Variants in ADAMTS19 observed in about 807,000 individuals in gnomAD.
ADAMTS19 encodes the protein A disintegrin and metalloproteinase with thrombospondin motifs 19.
Under a neutral mutation model 153.3 loss-of-function variants are expected in ADAMTS19, and 93 were observed. The observed-to-expected ratio is 0.61, with a 90% CI of 0.51 to 0.72. ADAMTS19 has a LOEUF of 0.72. Ranked by LOEUF, ADAMTS19 falls within the 30% of genes least tolerant of loss-of-function variation. The pLI, the probability that ADAMTS19 is intolerant of heterozygous loss-of-function variation, is 0.00. For missense variants in ADAMTS19, 1,482 were observed against 1,552.1 expected (o/e 0.95, Z 0.76); for synonymous variants, 600 against 556.6 (o/e 1.08, Z -1.10).
chr5:129,635,617 G>C (rs951709692), intron 10 of ADAMTS19, among the ~76,000 whole-genome samples: 3 of 152,166 alleles, frequency 2.0e-5, no homozygotes, highest in Non-Finnish European at 4.4e-5. Flanking sequence ...ATGGATGGAA[G>C]TGGAGCCATT....
intron 3 of ADAMTS19, among the ~76,000 whole-genome samples, chr5:129,522,145 C>A: frequency 6.7e-6 from 1 of 150,206 alleles, no homozygotes; most frequent in African/African-American, 2.4e-5. Context: ...TCTCATTTCC[C>A]TTGAAGGCCA....
intron 6 of ADAMTS19, among the ~76,000 whole-genome samples, chr5:129,533,086 G>C (rs1752270444): frequency 6.6e-6 from 1 of 151,956 alleles, no homozygotes; most frequent in Admixed American, 6.6e-5. Context: ...CTGGGCAACA[G>C]AGTGAGACTC....
intron 6 of ADAMTS19, among the ~76,000 whole-genome samples, chr5:129,549,642 A>G (rs1023963035): frequency 2.0e-5 from 3 of 151,480 alleles, no homozygotes; most frequent in African/African-American, 7.3e-5. Flanking sequence ...GTACAATGTA[A>G]AAATCAATCC....
At position 129,596,780 on chromosome 5, in the gene ADAMTS19, T is replaced by C. The variant is rs1052177955; in HGVS notation, c.1478+116T>C. 22 of 726,156 alleles carry C rather than the reference T, an allele frequency of 3.0e-5. No homozygotes were observed. In the African/African-American group the frequency reaches 3.1e-4, roughly 10 times the overall value. The allele number at this position is 726,156 out of a possible 1,614,324, so 45.0% of individuals were successfully genotyped here. On this transcript the variant is annotated intron_variant, in intron 8 of 22. Coordinates refer to ENST00000274487, the MANE Select transcript of ADAMTS19 (RefSeq NM_133638.6). ...TTTGGGCTTCAAGTTTTTGAAAAAC[T>C]AGGGAGACAAGAAGGGGTGAAGACT...
Position 129,691,826 on chromosome 5 carries a change from A to G in ADAMTS19, c.2819-2894A>G, listed in dbSNP as rs190878904. Among the ~76,000 whole-genome samples the G allele has an allele frequency of 2.0e-5, 3 of 152,288 alleles. No individual in the cohort carries two copies. The East Asian group carries it at 5.8e-4, about 29-fold the overall frequency. On this transcript the variant is annotated intron_variant, in intron 18 of 22. Transcript: ENST00000274487. ...TATCCCTTTTGATATAACAATACTT[A>G]TAGTTAAAAATTTCTTTTTCAGTAT...
At chr5:129,653,977 A>G (rs918275549) in intron 13 of ADAMTS19, among the ~76,000 whole-genome samples, 2 of 152,194 alleles carry the variant, frequency 1.3e-5, no homozygotes, top group Admixed American at 1.3e-4. Flanking sequence ...CAAAAAAAAT[A>G]TGAGCATAAA....
chr5:129,519,031 G>C (rs747623911), intron 3 of ADAMTS19, among the ~76,000 whole-genome samples: 27 of 152,064 alleles, frequency 1.8e-4, no homozygotes, highest in Non-Finnish European at 3.7e-4. Context: ...CAGAATTCCT[G>C]CTTGAGTCTT....
intron 16 of ADAMTS19, among the ~76,000 whole-genome samples, chr5:129,672,915 T>A (rs781159178): frequency 1.3e-5 from 2 of 152,158 alleles, no homozygotes; most frequent in African/African-American, 2.4e-5. Context: ...CTTCTTTTTG[T>A]GTCAATTTTG....
At chr5:129,721,285 T>C (rs1289508448) in intron 21 of ADAMTS19, among the ~76,000 whole-genome samples, 1 of 152,200 alleles carries the variant, frequency 6.6e-6, no homozygotes, top group African/African-American at 2.4e-5. Flanking sequence ...CATTTCTATA[T>C]AAAATAATGA....
At chr5:129,511,384 G>A (rs1312234799) in intron 3 of ADAMTS19, among the ~76,000 whole-genome samples, 1 of 151,720 alleles carries the variant, frequency 6.6e-6, no homozygotes, top group Non-Finnish European at 1.5e-5. Context: ...AGAGTCAGAG[G>A]CCTCAGGTTC....
intron 11 of ADAMTS19, among the ~76,000 whole-genome samples, chr5:129,645,286 C>G (rs535505772): frequency 1.3e-5 from 2 of 152,274 alleles, no homozygotes; most frequent in East Asian, 3.9e-4. Flanking sequence ...ACAAATCATG[C>G]TGCTCTCCAT....
In ADAMTS19 at chr5:129,647,870, A is replaced by T; in HGVS notation, c.1978A>T (p.Ser660Cys). The change falls in exon 12 of 23, where the codon AGC becomes TGC. Residue 660 changes from serine (S) to cysteine (C), a missense_variant. Coordinates refer to ENST00000274487, the MANE Select transcript of ADAMTS19 (RefSeq NM_133638.6). ...PCSRTCSAGI[S>C]SRERKCPGLD... ...TAGCCGAACCTGCAGTGCTGGGATCAGCAGTCGAGAGCGCAAATGTCCTGG... is the reference window on the plus strand; with the variant it reads ...TAGCCGAACCTGCAGTGCTGGGATCTGCAGTCGAGAGCGCAAATGTCCTGG... 1 of 1,613,754 alleles carries T rather than the reference A, an allele frequency of 6.2e-7. No individual in the cohort carries two copies. The highest frequency in any genetic ancestry group is 8.5e-7 in the Non-Finnish European group (1 of 1,179,716).
At chr5:129,716,740 G>A (rs371752595) in intron 21 of ADAMTS19, among the ~76,000 whole-genome samples, 1 of 151,928 alleles carries the variant, frequency 6.6e-6, no homozygotes, top group South Asian at 2.1e-4. Flanking sequence ...CAGAATTAGA[G>A]TAACAGTTTC....
chr5:129,527,898 A>G, intron 5 of ADAMTS19, 67 bp downstream of exon 5: 1 of 1,009,730 alleles, frequency 9.9e-7, no homozygotes, highest in Non-Finnish European at 1.5e-6. Context: ...ACTTTTAAGT[A>G]AAGGGAATGT....
chr5:129,589,097 G>C (rs1454827008), intron 7 of ADAMTS19, among the ~76,000 whole-genome samples: 2 of 151,836 alleles, frequency 1.3e-5, no homozygotes, highest in Non-Finnish European at 2.9e-5. Context: ...AACAATAGTA[G>C]AGTTTAGATT....
At chr5:129,647,177 G>T (rs914246535) in intron 11 of ADAMTS19, among the ~76,000 whole-genome samples, 1 of 134,656 alleles carries the variant, frequency 7.4e-6, no homozygotes, top group African/African-American at 2.8e-5. Context: ...CCAACTTGCT[G>T]TAATGTTAAT....
At chr5:129,572,255 A>T (rs552125876) in intron 7 of ADAMTS19, among the ~76,000 whole-genome samples, 2 of 152,082 alleles carry the variant, frequency 1.3e-5, no homozygotes, top group South Asian at 4.1e-4. Context: ...TAGGACTTGT[A>T]TGCAGAATAT....
chr5:129,599,089 T>TA (rs55892109), intron 8 of ADAMTS19, among the ~76,000 whole-genome samples: 86,454 of 148,786 alleles, frequency 0.58, 26,223 homozygotes, highest in Non-Finnish European at 0.68. Context: ...ATTTATTACT[T>TA]AAAAAAAAAA....
At chr5:129,641,772 A>G (rs1373314885) in intron 10 of ADAMTS19, 87 bp from the exon 11 acceptor site, 7 of 723,220 alleles carry the variant, frequency 9.7e-6, no homozygotes, top group East Asian at 5.9e-5. Flanking sequence ...TTGTTATTCT[A>G]TCAAAATAGC....
Sources: allele counts gnomAD v4.1 joint callset (sites outside exome capture counted in the v4.1 genomes callset), GRCh38; gene constraint gnomAD v4.1.1; transcripts MANE v1.5; gene names NCBI Gene and HGNC (gene_info 2026-07-23, HGNC 2026-07-21).